CDH8: variants seen among roughly 807,000 people sequenced by gnomAD.
The protein encoded by CDH8 is cadherin 8, also known as cadherin-8.
CDH8 carries 17 observed loss-of-function variants against 68.1 expected under a neutral mutation model. The observed-to-expected ratio is 0.25, with a 90% CI of 0.17 to 0.37. The LOEUF is 0.37. Ranked by LOEUF, CDH8 falls within the 10% of genes least tolerant of loss-of-function variation. The probability of loss-of-function intolerance (pLI) is 1.00; values close to 1 mark genes in which losing one functional copy is unlikely to be tolerated. For missense variants in CDH8, 763 were observed against 999.3 expected, an observed-to-expected ratio of 0.76 and a Z score of 3.19; for synonymous variants, 372 against 365.1, an observed-to-expected ratio of 1.02 and a Z score of -0.21.
chr16:62,022,525 G>A (rs1017820288), intron 1 of CDH8, among the ~76,000 whole-genome samples: 10 of 152,082 alleles, frequency 6.6e-5, no homozygotes, highest in African/African-American at 2.2e-4. Flanking sequence ...CCTCAGCGTG[G>A]CAAAATGTGT....
Position 61,647,284 on chromosome 16 carries a change from C to A in CDH8, c.*6324G>T, listed in dbSNP as rs1963225526. 1 of 151,714 alleles carries A rather than the reference C, an allele frequency of 6.6e-6. No homozygotes were observed. Among genetic ancestry groups the A allele is most frequent in the South Asian group, 2.1e-4 (1 of 4,830 alleles). The allele number at this position is 151,714 out of a possible 1,614,324, so 9.4% of individuals were successfully genotyped here. A position where few individuals can be genotyped will look rare whatever the true frequency, so the allele number is the denominator to read the frequency against. On this transcript the variant is annotated 3_prime_UTR_variant, in exon 12 of 12. Coordinates refer to ENST00000577390, the MANE Select transcript of CDH8 (RefSeq NM_001796.5). ...CTTTCTTAAAGTTTATTTGCAATATCATTATGTATAAATAATTATTATTTA... is the reference window on the plus strand; with the variant it reads ...CTTTCTTAAAGTTTATTTGCAATATAATTATGTATAAATAATTATTATTTA...
chr16:61,782,266 G>T (rs983913430), intron 8 of CDH8, among the ~76,000 whole-genome samples: 2 of 152,340 alleles, frequency 1.3e-5, no homozygotes, highest in African/African-American at 2.4e-5. Flanking sequence ...GCGAGGCATT[G>T]CCTCACCTGG....
At chr16:61,908,493 C>T (rs1964100817) in intron 2 of CDH8, among the ~76,000 whole-genome samples, 1 of 152,146 alleles carries the variant, frequency 6.6e-6, no homozygotes, top group African/African-American at 2.4e-5. Flanking sequence ...CAGGAGTAAG[C>T]CTTGAAATTG....
chr16:61,885,162 A>G (rs939048073), intron 3 of CDH8, among the ~76,000 whole-genome samples: 4 of 152,192 alleles, frequency 2.6e-5, no homozygotes, highest in Non-Finnish European at 4.4e-5. Flanking sequence ...CAGACAAAAC[A>G]TATCTATGCT....
At chr16:62,030,414 T>C (rs2150621790) in intron 1 of CDH8, among the ~76,000 whole-genome samples, 1 of 152,246 alleles carries the variant, frequency 6.6e-6, no homozygotes. Context: ...ATGTTGAAGA[T>C]GGGAATAGTT....
In CDH8 at chr16:61,931,491, TA is replaced by T. The variant is rs1056612359; in HGVS notation, c.253-30019del. Reference sequence around the variant, plus strand: ...GCACTCAGCCTAATAAGGACTTTTCTAAAAAAAACATTCATTAGGAATCACC... The same window carrying T: ...GCACTCAGCCTAATAAGGACTTTTCTAAAAAAACATTCATTAGGAATCACC... On this transcript the variant is annotated intron_variant, in intron 2 of 11. Coordinates refer to ENST00000577390, the MANE Select transcript of CDH8 (RefSeq NM_001796.5). Among the ~76,000 whole-genome samples the T allele has an allele frequency of 1.2e-4, 18 of 151,956 alleles. No individual in the cohort carries two copies. In the South Asian group the frequency reaches 2.9e-3, roughly 25 times the overall value.
At chr16:61,744,863 A>G (rs753625300) in intron 8 of CDH8, among the ~76,000 whole-genome samples, 18 of 151,250 alleles carry the variant, frequency 1.2e-4, no homozygotes, top group Non-Finnish European at 2.5e-4. Context: ...TCCCATTTCC[A>G]TCATTTTTGT....
intron 4 of CDH8, among the ~76,000 whole-genome samples, chr16:61,827,837 A>AT (rs1158777190): frequency 4.0e-5 from 6 of 151,856 alleles, no homozygotes; most frequent in African/African-American, 1.4e-4. Flanking sequence ...TCTGTATGTC[A>AT]TTTTTGACTC....
chr16:61,688,566 T>C (rs1964151352), intron 10 of CDH8, among the ~76,000 whole-genome samples: 1 of 151,968 alleles, frequency 6.6e-6, no homozygotes, highest in Non-Finnish European at 1.5e-5. Flanking sequence ...TGCAGCAGTC[T>C]GAGCTCTGAA....
At chr16:61,768,304 GTCTCTCCCTT>G (rs1567461010) in intron 8 of CDH8, among the ~76,000 whole-genome samples, 15 of 73,678 alleles carry the variant, frequency 2.0e-4, no homozygotes, top group Non-Finnish European at 3.5e-4. Flanking sequence ...CTCTCTCTGT[GTCTCTCCCTT>G]TCTCTCTCTC....
intron 2 of CDH8, among the ~76,000 whole-genome samples, chr16:61,918,974 C>G (rs548585896): frequency 6.8e-6 from 1 of 147,648 alleles, no homozygotes; most frequent in African/African-American, 2.5e-5. Flanking sequence ...GATCTGAGAA[C>G]CGGCAGACTG....
intron 10 of CDH8, among the ~76,000 whole-genome samples, chr16:61,680,543 AGGGGGAC>A (rs547197513): frequency 0.14 from 20,575 of 151,836 alleles, 1,569 homozygotes; most frequent in African/African-American, 0.2. Context: ...TTATTTACTC[AGGGGGAC>A]TTGAACTTGT....
chr16:61,982,500 T>A (rs925531597), intron 2 of CDH8, among the ~76,000 whole-genome samples: 1 of 152,130 alleles, frequency 6.6e-6, no homozygotes, highest in African/African-American at 2.4e-5. Flanking sequence ...ATTACAGGCG[T>A]GAACCACCGC....
chr16:62,030,318 G>A (rs1196899179), intron 1 of CDH8, among the ~76,000 whole-genome samples: 1 of 152,078 alleles, frequency 6.6e-6, no homozygotes, highest in African/African-American at 2.4e-5. Context: ...GACACTCAAA[G>A]GCAAGAGAAG....
chr16:61,910,689 T>C (rs546728141), intron 2 of CDH8, among the ~76,000 whole-genome samples: 15 of 152,238 alleles, frequency 9.9e-5, no homozygotes, highest in African/African-American at 3.6e-4. Context: ...CCAGAAACTA[T>C]GATATTCAAA....
chr16:62,008,045 C>T (rs964296680), intron 2 of CDH8, among the ~76,000 whole-genome samples: 1 of 152,062 alleles, frequency 6.6e-6, no homozygotes, highest in Admixed American at 6.5e-5. Flanking sequence ...CTTGATTCTC[C>T]TGCCTCAGCC....
chr16:61,991,071 G>A (rs1965712295), intron 2 of CDH8, among the ~76,000 whole-genome samples: 1 of 152,170 alleles, frequency 6.6e-6, no homozygotes, highest in Non-Finnish European at 1.5e-5. Flanking sequence ...ATATTAAAGA[G>A]TCAGAATTTG....
chr16:61,884,302 A>C (rs917253193), intron 3 of CDH8, among the ~76,000 whole-genome samples: 4 of 152,054 alleles, frequency 2.6e-5, no homozygotes, highest in Non-Finnish European at 4.4e-5. Flanking sequence ...ACATGAAGAT[A>C]ATGAGGATGA....
In CDH8 at chr16:61,907,947, G is replaced by A. The variant is rs1964090613; in HGVS notation, c.253-6474C>T. Among the ~76,000 whole-genome samples, 2 of 151,094 alleles carry A rather than the reference G, an allele frequency of 1.3e-5. 1 individual carries two copies. The highest frequency in any genetic ancestry group is 4.2e-4 in the South Asian group (2 of 4,800). On this transcript the variant is annotated intron_variant, in intron 2 of 11. Transcript: ENST00000577390. ...AGTCCCAGCTATTCAGGAGGCTGAG[G>A]CAGGAGAATGGTGTGAACCCTGGAG...
Sources: gnomAD v4.1 joint callset for allele counts (sites outside exome capture counted in the v4.1 genomes callset) on GRCh38, gnomAD v4.1.1 for gene constraint, MANE v1.5 for transcripts, NCBI Gene and HGNC (gene_info 2026-07-23, HGNC 2026-07-21) for gene names.